Variants in SPATA3 observed in about 807,000 individuals in gnomAD.
SPATA3 encodes the protein spermatogenesis associated 3.
SPATA3 carries 6 observed loss-of-function variants against 5.7 expected under a neutral mutation model. The observed-to-expected ratio is 1.06, with a 90% CI of 0.58 to 2.09. The LOEUF is 2.09. Ranked by LOEUF, SPATA3 falls within the 30% of genes most tolerant of loss-of-function variation. The pLI is 0.00. For missense variants in SPATA3, 155 were observed against 130.4 expected, an observed-to-expected ratio of 1.19 and a Z score of -0.92; for synonymous variants, 44 against 48.4, an observed-to-expected ratio of 0.91 and a Z score of 0.37.
At chr2:231,008,170 A>G (rs1254481016), downstream of SPATA3, among the ~76,000 whole-genome samples, 1 of 152,158 alleles carries the variant, frequency 6.6e-6, no homozygotes, top group Non-Finnish European at 1.5e-5. Context: ...TAGTCATCCC[A>G]CCTGACAGGG....
At chr2:231,010,125 C>T (rs1294074035), downstream of SPATA3, among the ~76,000 whole-genome samples, 1 of 152,228 alleles carries the variant, frequency 6.6e-6, no homozygotes, top group Non-Finnish European at 1.5e-5. Context: ...TTATAGGGGC[C>T]AAGGCCCTTT....
intron 1 of SPATA3, 132 bp from the exon 2 acceptor site, chr2:231,000,234 A>G: frequency 2.4e-6 from 2 of 822,070 alleles, no homozygotes; most frequent in South Asian, 4.9e-5. Context: ...CTTGGAAAAA[A>G]TCCAGCGTTC....
downstream of SPATA3, among the ~76,000 whole-genome samples, chr2:231,003,205 C>A (rs1265476267): frequency 6.6e-6 from 1 of 152,176 alleles, no homozygotes. Context: ...TTCCATGAAA[C>A]CTTTCTCCAT....
In SPATA3 at chr2:230,996,181, C is replaced by A. The variant is rs147418354; in HGVS notation, c.791-4185C>A. On this transcript the variant is annotated intron_variant, in intron 1 of 2. Coordinates refer to ENST00000645363, the Ensembl canonical transcript of SPATA3. Reference sequence around the variant, plus strand: ...GCAAACGGCCCCTCCAGGAGGGAGCCGGGAGATTACGCAGCTCCATGTAGG... The same window carrying A: ...GCAAACGGCCCCTCCAGGAGGGAGCAGGGAGATTACGCAGCTCCATGTAGG... The A allele has an allele frequency of 3.3e-6, 5 of 1,499,874 alleles. No homozygotes were observed. The Admixed American group carries it at 1.1e-4, about 33-fold the overall frequency. 92.9% of individuals were successfully genotyped at this position (1,499,874 alleles called of 1,614,324 possible). A position where few individuals can be genotyped will look rare whatever the true frequency, so the allele number is the denominator to read the frequency against.
At chr2:231,017,194 A>G (rs1692957071) in intron 6 of SPATA3, among the ~76,000 whole-genome samples, 3 of 152,214 alleles carry the variant, frequency 2.0e-5, no homozygotes, top group African/African-American at 7.2e-5. Flanking sequence ...TCTGGCTTAG[A>G]CAATAGGGGA....
intron 2 of SPATA3, among the ~76,000 whole-genome samples, chr2:231,001,155 C>T (rs772250271): frequency 2.5e-4 from 38 of 152,282 alleles, no homozygotes; most frequent in Non-Finnish European, 2.6e-4. Context: ...TAGTATCTGT[C>T]CTTCCTTCCT....
chr2:231,003,433 T>G (rs1014378301), downstream of SPATA3, among the ~76,000 whole-genome samples: 3 of 151,734 alleles, frequency 2.0e-5, no homozygotes, highest in Non-Finnish European at 4.4e-5. Context: ...ATTGAGGAGG[T>G]GCTCTCAGGG....
intron 1 of SPATA3, among the ~76,000 whole-genome samples, chr2:231,000,072 C>G (rs1366007578): frequency 6.6e-6 from 1 of 152,172 alleles, no homozygotes; most frequent in South Asian, 2.1e-4. Flanking sequence ...TCATCATCAT[C>G]GTTGTTGTCG....
chr2:231,013,978 C>G (rs576625163), exon 6 of SPATA3: 1 of 151,998 alleles, frequency 6.6e-6, no homozygotes, highest in South Asian at 2.1e-4. Context: ...ATCAACTCAC[C>G]TGGTGTCCTA....
intron 1 of SPATA3, chr2:230,999,574 A>G (rs2136474): frequency 1.3e-5 from 2 of 154,560 alleles, no homozygotes; most frequent in Non-Finnish European, 2.9e-5. Context: ...TGTCAAGAAG[A>G]CGCAGGGCTA....
downstream of SPATA3, among the ~76,000 whole-genome samples, chr2:231,004,589 G>A (rs908364824): frequency 2.0e-5 from 3 of 152,176 alleles, no homozygotes; most frequent in African/African-American, 7.2e-5. Context: ...CAGTGTCAGG[G>A]ATGGGTGGAT....
intron 1 of SPATA3, among the ~76,000 whole-genome samples, chr2:230,996,937 A>G (rs1692146317): frequency 6.6e-6 from 1 of 152,228 alleles, no homozygotes; most frequent in Admixed American, 6.5e-5. Flanking sequence ...GGGCTGTAAA[A>G]GATGCCTGAC....
At chr2:231,009,265 C>T (rs1196377292), downstream of SPATA3, among the ~76,000 whole-genome samples, 1 of 152,138 alleles carries the variant, frequency 6.6e-6, no homozygotes, top group Non-Finnish European at 1.5e-5. Context: ...CTGCTTCTCC[C>T]CGTTTTCCTC....
intron 2 of SPATA3, among the ~76,000 whole-genome samples, chr2:231,001,656 A>G (rs1367428044): frequency 6.6e-6 from 1 of 152,192 alleles, no homozygotes; most frequent in African/African-American, 2.4e-5. Context: ...AAATCGTGCC[A>G]TGGGTTCATA....
downstream of SPATA3, among the ~76,000 whole-genome samples, chr2:231,009,038 G>A (rs1217535554): frequency 2.0e-5 from 3 of 152,198 alleles, no homozygotes; most frequent in Non-Finnish European, 4.4e-5. Context: ...AAATGCAGGG[G>A]GCTGATTGGC....
chr2:230,997,129 C>G (rs146625462), intron 1 of SPATA3, among the ~76,000 whole-genome samples: 170 of 152,222 alleles, frequency 1.1e-3, no homozygotes, highest in African/African-American at 3.7e-3. Flanking sequence ...TGGCTGTGTC[C>G]CCACCCAAAT....
intron 6 of SPATA3, among the ~76,000 whole-genome samples, chr2:231,017,628 G>A (rs1692966331): frequency 6.6e-6 from 1 of 152,184 alleles, no homozygotes; most frequent in East Asian, 1.9e-4. Flanking sequence ...AGAGAAGGCA[G>A]AATATCCGAA....
rs145999582 is a variant in SPATA3 at position 231,013,245 on chromosome 2, G to C, written c.*226+548G>C. ...CAATGACTGATTTGATTGCTGTCAC[G>C]ACAGACGCATAGACACATGATTTTG... On this transcript the variant is annotated intron_variant, in intron 5 of 8. Transcript: ENST00000452881. Among the ~76,000 whole-genome samples the C allele has an allele frequency of 5.9e-5, 9 of 151,960 alleles. No individual in the cohort carries two copies. In the East Asian group the frequency reaches 9.7e-4, roughly 16 times the overall value.
downstream of SPATA3, among the ~76,000 whole-genome samples, chr2:231,005,127 T>TCACCAC (rs1692512403): frequency 4.9e-5 from 1 of 20,362 alleles, no homozygotes; most frequent in Admixed American, 5.1e-4. Context: ...ACCACCACCA[T>TCACCAC]CATCATCACC....
Sources: gnomAD v4.1 joint callset for allele counts (sites outside exome capture counted in the v4.1 genomes callset) on GRCh38, gnomAD v4.1.1 for gene constraint, MANE v1.5 for transcripts, NCBI Gene and HGNC (gene_info 2026-07-23, HGNC 2026-07-21) for gene names.